DHODH: variants seen among roughly 807,000 people sequenced by gnomAD.
The protein encoded by DHODH is dihydroorotate dehydrogenase (quinone).
A neutral mutation model predicts 39.7 loss-of-function variants in DHODH; 30 were observed. The observed-to-expected ratio is 0.76, with a 90% confidence interval of 0.57 to 1.02. The LOEUF is 1.02. DHODH is among the 50% of genes least tolerant of loss of function. DHODH has a pLI of 0.00. For synonymous variants in DHODH, 222 were observed against 213.8 expected, an observed-to-expected ratio of 1.04 and a Z score of -0.34; for missense variants, 531 against 520.8, an observed-to-expected ratio of 1.02 and a Z score of -0.19.
intron 3 of DHODH, among the ~76,000 whole-genome samples, chr16:72,014,924 C>T (rs1011960739): frequency 3.9e-5 from 6 of 152,150 alleles, no homozygotes; most frequent in Admixed American, 2.6e-4. Context: ...GCTTCGGTCA[C>T]GGAGATAATA....
chr16:72,013,899 A>C (rs1352596933), intron 2 of DHODH: 1 of 161,078 alleles, frequency 6.2e-6, no homozygotes, highest in East Asian at 1.8e-4. Flanking sequence ...AGGTCGCTGG[A>C]GCCCATCAGT....
At position 72,023,201 on chromosome 16, in the gene DHODH, G is replaced by A. The variant is rs1193165454; in HGVS notation, c.856G>A (p.Val286Met). The change falls in exon 7 of 9, where the codon GTG becomes ATG. Residue 286 changes from valine (V) to methionine (M), a missense_variant. Transcript: ENST00000219240. ...TGGGCTGATTGTTACGAACACCACCGTGAGTCGCCCTGCGGGCCTCCAGGG... is the reference window on the plus strand; with the variant it reads ...TGGGCTGATTGTTACGAACACCACCATGAGTCGCCCTGCGGGCCTCCAGGG... ...IDGLIVTNTT[V>M]SRPAGLQGAL... is the part of the protein sequence containing the mutation. 4.3e-6 allele frequency: 7 copies of A among 1,614,058 alleles called. No homozygotes were observed. Among genetic ancestry groups the A allele is most frequent in the South Asian group, 2.2e-5 (2 of 91,086 alleles).
In DHODH at chr16:72,020,325, A is replaced by ATG. The variant is rs1395807178; in HGVS notation, c.518-795_518-794dup. The stretch of plus-strand genomic sequence containing the variant: ...AGTATATATATATGTGTATATGTAT[A>ATG]TGTGTATATATATATATATATATAT... On this transcript the variant is annotated intron_variant, in intron 4 of 8. Transcript: ENST00000219240. The ATG allele has an allele frequency of 5.2e-3, 524 of 99,942 alleles. 8 individuals are homozygous for ATG. The highest frequency in any genetic ancestry group is 0.021 in the African/African-American group (487 of 23,034). The allele number at this position is 99,942 out of a possible 1,614,324, so 6.2% of individuals were successfully genotyped here.
At chr16:72,023,948 A>G (rs940889012) in intron 8 of DHODH, among the ~76,000 whole-genome samples, 197 bp from the exon 9 acceptor site, 1 of 152,198 alleles carries the variant, frequency 6.6e-6, no homozygotes, top group African/African-American at 2.4e-5. Context: ...GGGAGCTGTC[A>G]ATACTTAAAA....
In DHODH at chr16:72,021,268, G is replaced by A. The variant is rs565105946; in HGVS notation, c.662G>A (p.Arg221Gln). ...NVSSPNTAGLRSLQGKAELRR... is the reference protein window; with the variant it reads ...NVSSPNTAGLQSLQGKAELRR... ...TCCAGCCCCAACACTGCCGGGCTGC[G>A]GAGCCTTCAGGGAAAGGCCGAGCTG... Residue 221 changes from arginine (R) to glutamine (Q), a missense_variant, in exon 5 of 9, where the codon CGG becomes CAG. By Grantham distance (43) the Arg-to-Gln change is conservative. Coordinates refer to ENST00000219240, the MANE Select transcript of DHODH (RefSeq NM_001361.5). 33 of 1,612,334 alleles carry A rather than the reference G, an allele frequency of 2.0e-5. No homozygotes were observed. Among genetic ancestry groups the A allele is most frequent in the Non-Finnish European group, 2.5e-5 (29 of 1,179,566 alleles).
In DHODH at chr16:72,021,231, G is replaced by A; in HGVS notation, c.625G>A (p.Val209Met). The change falls in exon 5 of 9, where the codon GTG (valine) becomes ATG (methionine). Residue 209 changes from valine to methionine, a missense_variant. Val to Met is a conservative substitution (Grantham distance 21, BLOSUM62 1). Coordinates refer to ENST00000219240, the MANE Select transcript of DHODH (RefSeq NM_001361.5). ...RVLGPLADYL[V>M]VNVSSPNTAG... ...ACTGGGCCCCCTGGCCGACTACCTG[G>A]TGGTGAATGTGTCCAGCCCCAACAC... The A allele has an allele frequency of 1.2e-6, 2 of 1,612,878 alleles. No homozygotes were observed. Among genetic ancestry groups the A allele is most frequent in the Admixed American group, 1.7e-5 (1 of 59,876 alleles).
chr16:72,010,253 TGA>T (rs952328621), intron 1 of DHODH, among the ~76,000 whole-genome samples: 4 of 152,248 alleles, frequency 2.6e-5, no homozygotes, highest in Non-Finnish European at 4.4e-5. Flanking sequence ...CTTCTGCTAC[TGA>T]GAGAGCCTTT....
intron 4 of DHODH, chr16:72,020,514 C>T (rs1423796441): frequency 1.3e-5 from 2 of 152,274 alleles, no homozygotes; most frequent in African/African-American, 2.4e-5. Flanking sequence ...CACCACTGCT[C>T]CCGGCTGAGT....
intron 3 of DHODH, chr16:72,015,940 AT>A (rs1430057738): frequency 2.1e-6 from 2 of 946,890 alleles, no homozygotes; most frequent in African/African-American, 3.5e-5. Flanking sequence ...GTTATTATGG[AT>A]GCTTTTGGCT....
intron 2 of DHODH, among the ~76,000 whole-genome samples, chr16:72,012,728 G>C (rs2041098113): frequency 6.6e-6 from 1 of 152,192 alleles, no homozygotes; most frequent in African/African-American, 2.4e-5. Flanking sequence ...TTAAGCACTG[G>C]TGAGAGGCAG....
chr16:72,020,329 G>GTGTATATATA (rs1453540434), intron 4 of DHODH: 4 of 102,184 alleles, frequency 3.9e-5, no homozygotes, highest in African/African-American at 1.8e-4. Context: ...ATGTATATGT[G>GTGTATATATA]TATATATATA....
intron 4 of DHODH, among the ~76,000 whole-genome samples, chr16:72,018,929 T>TG (rs1396684526): frequency 1.3e-5 from 2 of 152,230 alleles, no homozygotes; most frequent in Non-Finnish European, 2.9e-5. Context: ...CTGGGAAGCT[T>TG]GGAGACCTTA....
chr16:72,020,273 C>CA (rs1309502020), intron 4 of DHODH: 3,878 of 91,502 alleles, frequency 0.042, 181 homozygotes, highest in African/African-American at 0.15. Context: ...GACTCCATCT[C>CA]AAAAAAAAAA....
Position 72,024,426 on chromosome 16 carries a change from C to T in DHODH, c.*227C>T, listed in dbSNP as rs1329091955. Reference sequence around the variant, plus strand: ...TTTTGATTCTTTGTGGATTCAAACCCTAGGATCCATCAGTCTTGCAAGGAC... The same window carrying T: ...TTTTGATTCTTTGTGGATTCAAACCTTAGGATCCATCAGTCTTGCAAGGAC... On this transcript the variant is annotated 3_prime_UTR_variant, in exon 9 of 9. Coordinates refer to ENST00000219240, the MANE Select transcript of DHODH (RefSeq NM_001361.5). 1.7e-6 allele frequency: 1 copy of T among 589,310 alleles called. No individual in the cohort carries two copies. Among genetic ancestry groups the T allele is most frequent in the Non-Finnish European group, 3.0e-6 (1 of 327,896 alleles). 36.5% of individuals were successfully genotyped at this position (589,310 alleles called of 1,614,324 possible). A position where few individuals can be genotyped will look rare whatever the true frequency, so the allele number is the denominator to read the frequency against.
chr16:72,012,979 T>C (rs1465611569), intron 2 of DHODH, among the ~76,000 whole-genome samples: 4 of 152,190 alleles, frequency 2.6e-5, no homozygotes, highest in African/African-American at 9.6e-5. Flanking sequence ...CCCATCCTCA[T>C]GGAAGCTGCT....
At position 72,021,235 on chromosome 16, in the gene DHODH, T is replaced by C. The variant is rs1193383164; in HGVS notation, c.629T>C (p.Val210Ala). 2.5e-6 allele frequency: 4 copies of C among 1,612,806 alleles called. No homozygotes were observed. The East Asian group carries it at 8.9e-5, about 36-fold the overall frequency. ...VLGPLADYLVVNVSSPNTAGL... is the reference protein window; with the variant it reads ...VLGPLADYLVANVSSPNTAGL... ...GGCCCCCTGGCCGACTACCTGGTGG[T>C]GAATGTGTCCAGCCCCAACACTGCC... Residue 210 changes from valine (V) to alanine (A), a missense_variant, in exon 5 of 9, where the codon GTG (valine) becomes GCG (alanine). Val to Ala is a moderately conservative substitution (Grantham distance 64). Coordinates refer to ENST00000219240, the MANE Select transcript of DHODH (RefSeq NM_001361.5).
intron 4 of DHODH, chr16:72,020,333 A>ATATATATATATGTGTATATGTATATGTG (rs1567572731): frequency 2.2e-5 from 2 of 91,878 alleles, no homozygotes; most frequent in African/African-American, 9.1e-5. Flanking sequence ...ATATGTGTAT[A>ATATATATATATGTGTATATGTATATGTG]TATATATATA....
chr16:72,017,190 A>G, intron 4 of DHODH, 84 bp downstream of exon 4: 1 of 1,434,650 alleles, frequency 7.0e-7, no homozygotes, highest in East Asian at 2.3e-5. Flanking sequence ...CTAGTGAAAT[A>G]AACATGATTG....
At chr16:72,013,245 G>A (rs2041104611) in intron 2 of DHODH, among the ~76,000 whole-genome samples, 1 of 152,182 alleles carries the variant, frequency 6.6e-6, no homozygotes, top group Non-Finnish European at 1.5e-5. Flanking sequence ...AGGCACTGTA[G>A]GCTCAGAAAG....
Sources: allele counts gnomAD v4.1 joint callset (sites outside exome capture counted in the v4.1 genomes callset), GRCh38; gene constraint gnomAD v4.1.1; transcripts MANE v1.5; gene names NCBI Gene and HGNC (gene_info 2026-07-23, HGNC 2026-07-21).